Variants in POT1 observed in about 807,000 individuals in gnomAD.
POT1 encodes protection of telomeres 1.
Under a neutral mutation model 78.5 loss-of-function variants are expected in POT1, and 47 were observed. The ratio of observed to expected loss-of-function variants is 0.60; its 90% CI spans 0.47 to 0.76. The LOEUF is 0.76. POT1 is among the 30% of genes least tolerant of loss of function. POT1 has a pLI of 0.00. For missense variants in POT1, 646 were observed against 749.9 expected, an observed-to-expected ratio of 0.86 and a Z score of 1.62; for synonymous variants, 259 against 260.7, an observed-to-expected ratio of 0.99 and a Z score of 0.06.
At chr7:124,846,817 A>T in intron 12 of POT1, 125 bp downstream of exon 12, 1 of 609,296 alleles carries the variant, frequency 1.6e-6, no homozygotes, top group Non-Finnish European at 2.8e-6. Flanking sequence ...TTAAATATGG[A>T]CATATTTTAG....
At chr7:124,902,340 C>G (rs1584514533) in intron 3 of POT1, among the ~76,000 whole-genome samples, 1 of 152,150 alleles carries the variant, frequency 6.6e-6, no homozygotes, top group East Asian at 1.9e-4. Flanking sequence ...AGGAGAAACT[C>G]TACAAGCCAG....
intron 7 of POT1, among the ~76,000 whole-genome samples, chr7:124,864,906 T>C (rs1015794784): frequency 6.6e-6 from 1 of 152,222 alleles, no homozygotes; most frequent in Non-Finnish European, 1.5e-5. Context: ...TCATTTCTTG[T>C]ATTTTTGTCA....
chr7:124,823,928 C>G lies in POT1; in HGVS notation c.*34G>C. ...AAGCTCAAACAGGGAAGGTGAGTGG[C>G]AACATTTTATGTATGCTAAATTGGA... is the stretch of plus-strand genomic sequence containing the variant. On this transcript the variant is annotated 3_prime_UTR_variant, in exon 19 of 19. Transcript: ENST00000357628. 1 of 1,388,144 alleles carries G rather than the reference C, an allele frequency of 7.2e-7. No homozygotes were observed. Among genetic ancestry groups the G allele is most frequent in the Non-Finnish European group, 1.0e-6 (1 of 982,224 alleles). The allele number at this position is 1,388,144 out of a possible 1,614,324, so 86.0% of individuals were successfully genotyped here.
At chr7:124,929,452 C>T (rs1183376121) in intron 1 of POT1, 1 of 152,146 alleles carries the variant, frequency 6.6e-6, no homozygotes. Flanking sequence ...ACAAAAATTA[C>T]TGAACTGAGA....
chr7:124,855,660 TA>T (rs1037043312), intron 9 of POT1, among the ~76,000 whole-genome samples: 5 of 149,084 alleles, frequency 3.4e-5, no homozygotes, highest in East Asian at 2.0e-4. Flanking sequence ...ATTTAAATAC[TA>T]AAAAAAAACT....
intron 11 of POT1, among the ~76,000 whole-genome samples, chr7:124,851,483 T>A (rs34326887): frequency 0.32 from 48,323 of 152,084 alleles, 7,698 homozygotes; most frequent in South Asian, 0.4. Context: ...TAAAGACTAG[T>A]AACTATGTAT....
chr7:124,843,978 A>G (rs1367835815), intron 12 of POT1, among the ~76,000 whole-genome samples: 1 of 152,242 alleles, frequency 6.6e-6, no homozygotes, highest in Non-Finnish European at 1.5e-5. Flanking sequence ...AATAAAGTTT[A>G]TATTTAAGAT....
intron 3 of POT1, among the ~76,000 whole-genome samples, chr7:124,914,254 T>C (rs940201071): frequency 1.6e-4 from 24 of 152,314 alleles, no homozygotes; most frequent in African/African-American, 5.8e-4. Context: ...GTGATAAGTT[T>C]TGAAACTGGG....
chr7:124,884,232 C>A (rs150441788), intron 6 of POT1, among the ~76,000 whole-genome samples: 2 of 151,842 alleles, frequency 1.3e-5, no homozygotes, highest in African/African-American at 4.8e-5. Context: ...TTTTATAGAA[C>A]AGGAAAAGAA....
intron 9 of POT1, among the ~76,000 whole-genome samples, chr7:124,857,203 G>T (rs1213637597): frequency 6.6e-6 from 1 of 152,178 alleles, no homozygotes; most frequent in Non-Finnish European, 1.5e-5. Flanking sequence ...CACTCTTACT[G>T]TTTTCTTTTA....
intron 3 of POT1, among the ~76,000 whole-genome samples, chr7:124,907,406 CA>C (rs1268400894): frequency 2.4e-4 from 37 of 151,896 alleles, no homozygotes; most frequent in Non-Finnish European, 1.5e-5. Flanking sequence ...AAGTGTTCTT[CA>C]AAAAATCAAC....
At chr7:124,837,224 G>A in intron 14 of POT1, 1 of 292,526 alleles carries the variant, frequency 3.4e-6, no homozygotes, top group Middle Eastern at 4.2e-4. Flanking sequence ...GAACTGTTAT[G>A]AGAGTTAAAG....
intron 2 of POT1, among the ~76,000 whole-genome samples, chr7:124,921,604 C>A (rs923305960): frequency 6.6e-6 from 1 of 152,024 alleles, no homozygotes; most frequent in East Asian, 1.9e-4. Flanking sequence ...TTGTCCCTCA[C>A]CCCCTCAACT....
chr7:124,894,811 G>A (rs1298810425), intron 5 of POT1, among the ~76,000 whole-genome samples: 7 of 151,676 alleles, frequency 4.6e-5, no homozygotes, highest in Middle Eastern at 3.4e-3. Context: ...GAGAAATAGT[G>A]TAGTTAGTAG....
At position 124,877,865 on chromosome 7, in the gene POT1, A is replaced by AG. The variant is rs1796028543; in HGVS notation, c.125-6825_125-6824insC. Among the ~76,000 whole-genome samples, 3 of 138,486 alleles carry AG rather than the reference A, an allele frequency of 2.2e-5. No individual in the cohort carries two copies. The South Asian group carries it at 7.1e-4, about 33-fold the overall frequency. 90.9% of individuals were successfully genotyped at this position (138,486 alleles called of 152,430 possible). On this transcript the variant is annotated intron_variant, in intron 6 of 18. Transcript: ENST00000357628. ...CAAAAAAAAAAAAAAAAAAAAAAAA[A>AG]AAAAGAGTGATCACTTAGCATAATG...
At chr7:124,894,217 G>A (rs1281763069) in intron 5 of POT1, among the ~76,000 whole-genome samples, 1 of 151,348 alleles carries the variant, frequency 6.6e-6, no homozygotes, top group Non-Finnish European at 1.5e-5. Context: ...AGTAGAATTT[G>A]CTAATCTAAT....
At chr7:124,900,887 G>T in intron 3 of POT1, 1 of 341,302 alleles carries the variant, frequency 2.9e-6, no homozygotes, top group Non-Finnish European at 6.2e-6. Context: ...TGCCCACAGA[G>T]TTTTGCTCAT....
At chr7:124,859,167 A>G in intron 8 of POT1, 55 bp from the exon 9 acceptor site, 1 of 1,387,592 alleles carries the variant, frequency 7.2e-7, no homozygotes, top group Non-Finnish European at 9.5e-7. Flanking sequence ...TGCTTGTGCT[A>G]AAAAGTTTTT....
At chr7:124,905,614 A>C (rs1288781655) in intron 3 of POT1, among the ~76,000 whole-genome samples, 1 of 152,224 alleles carries the variant, frequency 6.6e-6, no homozygotes, top group Non-Finnish European at 1.5e-5. Context: ...AGCAATGGCA[A>C]CAAAAGCCAA....
Sources: gnomAD v4.1 joint callset for allele counts (sites outside exome capture counted in the v4.1 genomes callset) on GRCh38, gnomAD v4.1.1 for gene constraint, MANE v1.5 for transcripts, NCBI Gene and HGNC (gene_info 2026-07-23, HGNC 2026-07-21) for gene names.